The following ZNF451 variants were observed in gnomAD, a reference collection of about 807,000 sequenced individuals.
ZNF451 encodes the protein zinc finger protein 451.
Under a neutral mutation model 107.1 loss-of-function variants are expected in ZNF451, and 80 were observed. The observed-to-expected ratio is 0.75, with a 90% CI of 0.62 to 0.90. The LOEUF is 0.90. ZNF451 is among the 40% of genes least tolerant of loss of function. The pLI is 0.00. For missense variants in ZNF451, 1,107 were observed against 1,236.2 expected (o/e 0.90, Z 1.57); for synonymous variants, 362 against 406.5 (o/e 0.89, Z 1.32).
intron 14 of ZNF451, among the ~76,000 whole-genome samples, chr6:57,161,694 GTTTGTTT>G (rs1253081578): frequency 6.6e-6 from 1 of 151,704 alleles, no homozygotes; most frequent in Non-Finnish European, 1.5e-5. Flanking sequence ...GGTTTTTTTT[GTTTGTTT>G]TTTGTTTTTT....
chr6:57,134,597 A>G, intron 6 of ZNF451, 147 bp from the exon 7 acceptor site: 1 of 607,512 alleles, frequency 1.6e-6, no homozygotes. Context: ...TTTACTGTAT[A>G]TGAAGAACAT....
chr6:57,109,784 GAGTT>G, intron 3 of ZNF451: 1 of 847,902 alleles, frequency 1.2e-6, no homozygotes, highest in Non-Finnish European at 1.4e-6. Context: ...GTAGAATGAG[GAGTT>G]AGAGTGTATA....
chr6:57,154,504 T>G (rs1763304180), intron 13 of ZNF451: 1 of 185,256 alleles, frequency 5.4e-6, no homozygotes, highest in Non-Finnish European at 1.1e-5. Context: ...GGCTTTTAGG[T>G]CCTTAGAGAA....
chr6:57,098,939 C>G (rs776639155), intron 2 of ZNF451, 122 bp from the exon 3 acceptor site: 4 of 614,444 alleles, frequency 6.5e-6, no homozygotes, highest in Non-Finnish European at 1.2e-5. Context: ...TTCTGCTACC[C>G]ACAAAGCTCC....
intron 3 of ZNF451, chr6:57,107,962 C>G: frequency 1.9e-6 from 1 of 516,846 alleles, no homozygotes; most frequent in Non-Finnish European, 2.5e-6. Flanking sequence ...CCTAAGCCTC[C>G]TGAGTAGCTG....
intron 2 of ZNF451, among the ~76,000 whole-genome samples, chr6:57,094,478 A>G (rs1036686297): frequency 2.0e-5 from 3 of 152,014 alleles, no homozygotes; most frequent in Non-Finnish European, 4.4e-5. Flanking sequence ...CCTGCTTAGA[A>G]TCCTTTATTT....
intron 3 of ZNF451, among the ~76,000 whole-genome samples, chr6:57,110,583 T>C (rs1226664234): frequency 6.6e-6 from 1 of 152,190 alleles, no homozygotes; most frequent in Non-Finnish European, 1.5e-5. Flanking sequence ...AATGGTTGCA[T>C]ACTTCAGGGT....
chr6:57,142,038 A>G lies in ZNF451; in HGVS notation c.947A>G (p.Lys316Arg). The change falls in exon 9 of 15, where the codon AAG (lysine) becomes AGG (arginine). Residue 316 changes from lysine to arginine, a missense_variant. This residue lies in a region of ZNF451 where 339 missense variants were observed against 372.8 expected (regional missense o/e 0.91). Coordinates refer to ENST00000370706, the MANE Select transcript of ZNF451 (RefSeq NM_001031623.3). Reference protein sequence around the residue: ...SLCKDVPFQVKCVACHKTLRS... With the variant: ...SLCKDVPFQVRCVACHKTLRS... ...TGCAAAGATGTTCCCTTTCAAGTTA[A>G]GTGTGTGGCCTGCCACAAGACACTG... 6.2e-7 allele frequency: 1 copy of G among 1,614,124 alleles called. No homozygotes were observed. The highest frequency in any genetic ancestry group is 1.3e-5 in the African/African-American group (1 of 75,076).
rs57250829 is a variant in ZNF451, at chr6:57,144,234, C to CTTT, written c.1004+2160_1004+2162dup. On this transcript the variant is annotated intron_variant, in intron 9 of 14. Transcript: ENST00000370706. ...TGGTATATGAATTATGAATTATATCCTTTTTTTTTTTTTTTTTTTTTTTAA... is the reference window on the plus strand; with the variant it reads ...TGGTATATGAATTATGAATTATATCCTTTTTTTTTTTTTTTTTTTTTTTTTTAA... Among the ~76,000 whole-genome samples, 23 of 114,768 alleles carry CTTT rather than the reference C, an allele frequency of 2.0e-4. 1 individual carries two copies. Among genetic ancestry groups the CTTT allele is most frequent in the Non-Finnish European group, 3.3e-4 (19 of 58,026 alleles). 75.3% of individuals were successfully genotyped at this position (114,768 alleles called of 152,430 possible).
At chr6:57,158,660 C>G in intron 13 of ZNF451, 1 of 985,412 alleles carries the variant, frequency 1.0e-6, no homozygotes, top group Non-Finnish European at 1.2e-6. Context: ...TATAAATGTT[C>G]CAGGGCACAC....
intron 2 of ZNF451, among the ~76,000 whole-genome samples, chr6:57,091,647 A>G (rs1344255850): frequency 3.3e-5 from 5 of 152,158 alleles, no homozygotes; most frequent in African/African-American, 1.2e-4. Flanking sequence ...TTCTTCCATA[A>G]TTATTGGAGT....
chr6:57,124,158 T>C (rs1387392861), intron 3 of ZNF451, among the ~76,000 whole-genome samples: 1 of 152,162 alleles, frequency 6.6e-6, no homozygotes, highest in Admixed American at 6.5e-5. Context: ...CTTTATAAAG[T>C]GAAGAAAGTT....
At position 57,154,004 on chromosome 6, in the gene ZNF451, T is replaced by C. The variant is rs759227228; in HGVS notation, c.3027T>C (p.Asp1009=). ...HILNPHHLEG[D]MMCALLNSIS... ...TAAACCCTCACCACTTAGAGGGAGA[T>C]ATGATGTGTGCCTTGTTAAATAGCA... Residue 1009 remains aspartate, a synonymous_variant, in exon 13 of 15, where the codon GAT becomes GAC. Coordinates refer to ENST00000370706, the MANE Select transcript of ZNF451 (RefSeq NM_001031623.3). The C allele has an allele frequency of 6.2e-7, 1 of 1,614,212 alleles. No individual in the cohort carries two copies. Among genetic ancestry groups the C allele is most frequent in the South Asian group, 1.1e-5 (1 of 91,082 alleles).
intron 5 of ZNF451, among the ~76,000 whole-genome samples, chr6:57,129,803 C>A (rs1831100316): frequency 6.6e-6 from 1 of 152,098 alleles, no homozygotes; most frequent in South Asian, 2.1e-4. Context: ...CCCCCAAAAA[C>A]CTTTTTTCTT....
chr6:57,156,548 A>G (rs1190400604), intron 13 of ZNF451, among the ~76,000 whole-genome samples: 2 of 152,072 alleles, frequency 1.3e-5, no homozygotes, highest in African/African-American at 2.4e-5. Context: ...TCTTAAGGCA[A>G]TGTGGTTTTT....
chr6:57,143,963 T>C (rs1315100631), intron 9 of ZNF451, among the ~76,000 whole-genome samples: 1 of 152,170 alleles, frequency 6.6e-6, no homozygotes, highest in Non-Finnish European at 1.5e-5. Context: ...AAAGTCCATT[T>C]ATATGATTCC....
At chr6:57,098,351 A>G (rs1488772761) in intron 2 of ZNF451, among the ~76,000 whole-genome samples, 1 of 151,666 alleles carries the variant, frequency 6.6e-6, no homozygotes, top group African/African-American at 2.4e-5. Flanking sequence ...AATCTCTTTT[A>G]GTTTTCCATT....
intron 12 of ZNF451, 97 bp from the exon 13 acceptor site, chr6:57,153,764 A>G (rs1763262777): frequency 7.9e-7 from 1 of 1,261,256 alleles, no homozygotes; most frequent in Admixed American, 1.8e-5. Flanking sequence ...CAAGCTTAAT[A>G]TACCTTCCTA....
intron 5 of ZNF451, 81 bp downstream of exon 5, chr6:57,128,921 C>T (rs565747266): frequency 3.2e-5 from 31 of 957,566 alleles, no homozygotes; most frequent in East Asian, 2.3e-4. Flanking sequence ...TATGCTATTG[C>T]TAATAAGCAT....
Sources: allele counts gnomAD v4.1 joint callset (sites outside exome capture counted in the v4.1 genomes callset), GRCh38; gene constraint gnomAD v4.1.1; regional missense constraint gnomAD v4.1.1; transcripts MANE v1.5; gene names NCBI Gene and HGNC (gene_info 2026-07-23, HGNC 2026-07-21).